Variants in SMCO4 observed in about 807,000 individuals in gnomAD.
SMCO4 encodes single-pass membrane and coiled-coil domain-containing protein 4.
SMCO4 carries 4 observed loss-of-function variants against 3.6 expected under a neutral mutation model. The ratio of observed to expected loss-of-function variants is 1.11; its 90% CI spans 0.54 to 2.53. The LOEUF (loss-of-function observed/expected upper bound fraction) is 2.53. Among genes scored for constraint, SMCO4 ranks in the 30% most tolerant of loss-of-function variants. SMCO4 has a pLI of 0.02. For missense variants in SMCO4, 70 were observed against 80.8 expected, an observed-to-expected ratio of 0.87 and a Z score of 0.51; for synonymous variants, 36 against 35.3, an observed-to-expected ratio of 1.02 and a Z score of -0.07.
intron 1 of SMCO4, among the ~76,000 whole-genome samples, chr11:93,504,346 A>T (rs905831339): frequency 6.6e-6 from 1 of 152,192 alleles, no homozygotes; most frequent in African/African-American, 2.4e-5. Context: ...CTCTGGCAGG[A>T]AGATGATGTG....
chr11:93,539,392 A>G (rs1302388827), intron 1 of SMCO4, among the ~76,000 whole-genome samples: 2 of 152,252 alleles, frequency 1.3e-5, no homozygotes, highest in East Asian at 1.9e-4. Flanking sequence ...CGGAAGGAAC[A>G]GGAAGAGAAG....
chr11:93,519,973 T>C (rs919276403), intron 1 of SMCO4, among the ~76,000 whole-genome samples: 1 of 152,124 alleles, frequency 6.6e-6, no homozygotes, highest in Non-Finnish European at 1.5e-5. Context: ...AAAAGAAAGC[T>C]ACACTACGAA....
At chr11:93,536,683 C>T (rs939945241) in intron 1 of SMCO4, among the ~76,000 whole-genome samples, 1 of 152,140 alleles carries the variant, frequency 6.6e-6, no homozygotes, top group African/African-American at 2.4e-5. Flanking sequence ...GGGAGGGGTG[C>T]TGGGTGAAGG....
chr11:93,479,295 AGAG>A, intron 2 of SMCO4, 26 bp from the exon 3 acceptor site: 1 of 1,481,858 alleles, frequency 6.7e-7, no homozygotes, highest in South Asian at 1.5e-5. Flanking sequence ...CTGTGATAGT[AGAG>A]AATAAACCAA....
chr11:93,486,029 AT>A (rs778636814), intron 2 of SMCO4, among the ~76,000 whole-genome samples: 1 of 152,182 alleles, frequency 6.6e-6, no homozygotes, highest in African/African-American at 2.4e-5. Context: ...CTCAGATGTG[AT>A]TCCAAAGCCC....
At chr11:93,550,392 C>G in the SMCO4 span, among the ~76,000 whole-genome samples, 18 of 152,238 alleles carry the variant, frequency 1.2e-4, no homozygotes, top group African/African-American at 3.9e-4. Flanking sequence ...AGGCATGGTG[C>G]CTCATGCCTG....
chr11:93,491,235 G>A (rs999768302), intron 2 of SMCO4, among the ~76,000 whole-genome samples: 1 of 152,228 alleles, frequency 6.6e-6, no homozygotes, highest in Non-Finnish European at 1.5e-5. Flanking sequence ...GCCATCCAAT[G>A]GTGTGCACTG....
intron 2 of SMCO4, among the ~76,000 whole-genome samples, chr11:93,496,076 A>C (rs1223038717): frequency 6.6e-6 from 1 of 152,212 alleles, no homozygotes; most frequent in African/African-American, 2.4e-5. Context: ...CAAGTGCAGG[A>C]TGAGGTCACC....
intron 1 of SMCO4, among the ~76,000 whole-genome samples, chr11:93,507,495 T>A (rs1003526312): frequency 1.3e-5 from 2 of 152,232 alleles, no homozygotes; most frequent in African/African-American, 4.8e-5. Context: ...GGCAATGACA[T>A]TAACAAATGT....
chr11:93,523,937 G>T (rs952647486), intron 1 of SMCO4, among the ~76,000 whole-genome samples: 1 of 152,126 alleles, frequency 6.6e-6, no homozygotes, highest in South Asian at 2.1e-4. Context: ...GAAAACCTTG[G>T]AAAGATTCTA....
chr11:93,530,653 C>G (rs915689077), intron 1 of SMCO4, among the ~76,000 whole-genome samples: 2 of 152,118 alleles, frequency 1.3e-5, no homozygotes, highest in African/African-American at 4.8e-5. Context: ...TCTTTACTCC[C>G]AACCTCTCCC....
intron 1 of SMCO4, among the ~76,000 whole-genome samples, chr11:93,513,144 A>G (rs75214644): frequency 0.016 from 2,505 of 152,310 alleles, 78 homozygotes; most frequent in African/African-American, 0.057. Context: ...TGGAACACTA[A>G]TATTCTCTGT....
chr11:93,535,848 A>G (rs1015739108), intron 1 of SMCO4: 2 of 1,607,854 alleles, frequency 1.2e-6, no homozygotes, highest in African/African-American at 2.7e-5. Flanking sequence ...GCTTTCACCA[A>G]TTAACCACTG....
At chr11:93,504,442 TGA>T (rs1352642437) in intron 1 of SMCO4, among the ~76,000 whole-genome samples, 1 of 152,208 alleles carries the variant, frequency 6.6e-6, no homozygotes, top group Non-Finnish European at 1.5e-5. Context: ...AGAGAAGGAA[TGA>T]GAGATTTTTG....
At chr11:93,486,184 C>A (rs569254190) in intron 2 of SMCO4, among the ~76,000 whole-genome samples, 19 of 152,306 alleles carry the variant, frequency 1.2e-4, no homozygotes, top group African/African-American at 4.6e-4. Context: ...GCCTTCATCC[C>A]CATTTTGCAG....
intron 1 of SMCO4, among the ~76,000 whole-genome samples, chr11:93,540,310 T>C (rs968283982): frequency 6.6e-6 from 1 of 152,196 alleles, no homozygotes; most frequent in African/African-American, 2.4e-5. Flanking sequence ...GGTACATTTC[T>C]TGAATATAAG....
At chr11:93,489,175 G>A (rs984295559) in intron 2 of SMCO4, among the ~76,000 whole-genome samples, 5 of 152,112 alleles carry the variant, frequency 3.3e-5, no homozygotes, top group African/African-American at 1.2e-4. Context: ...GCCGTTTATC[G>A]GCCCTGCAAC....
At chr11:93,489,441 G>A (rs1016801046) in intron 2 of SMCO4, among the ~76,000 whole-genome samples, 1 of 152,220 alleles carries the variant, frequency 6.6e-6, no homozygotes, top group Non-Finnish European at 1.5e-5. Flanking sequence ...GAGAAGCCAT[G>A]AACAGCTGTC....
At chr11:93,487,330 A>G (rs1356585457) in intron 2 of SMCO4, among the ~76,000 whole-genome samples, 1 of 152,192 alleles carries the variant, frequency 6.6e-6, no homozygotes, top group Non-Finnish European at 1.5e-5. Flanking sequence ...TGCCCCAGGA[A>G]CATATACATG....
Sources: gnomAD v4.1 joint callset for allele counts (sites outside exome capture counted in the v4.1 genomes callset) on GRCh38, gnomAD v4.1.1 for gene constraint, MANE v1.5 for transcripts, NCBI Gene and HGNC (gene_info 2026-07-23, HGNC 2026-07-21) for gene names.